The following FLG variants were observed in gnomAD, a reference collection of about 807,000 sequenced individuals.
FLG encodes filaggrin.
FLG carries 6 observed loss-of-function variants against 3.8 expected under a neutral mutation model. The observed-to-expected ratio is 1.60, with a 90% CI of 0.87 to 3.15. The LOEUF is 3.15. Ranked by LOEUF, FLG falls within the 30% of genes most tolerant of loss-of-function variation. FLG has a pLI of 0.00. For synonymous variants in FLG, 2,551 were observed against 1,931.6 expected (o/e 1.32, Z -8.41); for missense variants, 7,595 against 5,050.9 (o/e 1.50, Z -15.27).
At chr1:152,315,273 T>C (rs1197495331) in intron 2 of FLG, 46 bp downstream of exon 2, 1 of 1,586,498 alleles carries the variant, frequency 6.3e-7, no homozygotes, top group Non-Finnish European at 8.6e-7. Context: ...AGATTATTGA[T>C]GAGAAAAACA....
Position 152,313,265 on chromosome 1 carries a change from G to T in FLG, c.1621C>A (p.His541Asn). 1 of 1,613,878 alleles carries T rather than the reference G, an allele frequency of 6.2e-7. No homozygotes were observed. The highest frequency in any genetic ancestry group is 8.5e-7 in the Non-Finnish European group (1 of 1,180,012). The stretch of plus-strand genomic sequence containing the variant: ...GTGTGGCTGTGATGGGAACCTGAGT[G>T]TCCAGACCTATTTACCGATTGCTCG... Reference protein sequence around the residue: ...HHEQSVNRSGHSGSHHSHTTS... With the variant: ...HHEQSVNRSGNSGSHHSHTTS... Residue 541 changes from histidine (H) to asparagine (N), a missense_variant, in exon 3 of 3, where the codon CAC becomes AAC. Physicochemically the swap from His to Asn is moderately conservative, Grantham distance 68. Transcript: ENST00000368799.
rs11584340 is a variant in FLG at position 152,313,454 on chromosome 1, G to A, written c.1432C>T (p.Pro478Ser). 0.2 allele frequency: 324,266 copies of A among 1,613,236 alleles called. 42,398 individuals carry two copies. Among genetic ancestry groups the A allele is most frequent in the East Asian group, 0.6 (27,028 of 44,736 alleles). Residue 478 changes from proline (P) to serine (S), a missense_variant, in exon 3 of 3, where the codon CCT becomes TCT. Transcript: ENST00000368799. ...CCGGTCCGTCCATGGGCAGAGTCAG[G>A]CTGTTCATGAGTGCTCACCTGGTAG... ...SLYQVSTHEQ[P>S]DSAHGRTGTS...
rs528985626 is a variant in FLG, at chr1:152,305,390, G to T, written c.9496C>A (p.Arg3166Ser). Reference sequence around the variant, plus strand: ...CTGTCTCCTGATTGTTCCTCATTACGTGTTGTTCTGCTTGCACTTCTGGAT... The same window carrying T: ...CTGTCTCCTGATTGTTCCTCATTACTTGTTGTTCTGCTTGCACTTCTGGAT... ...SGSRSASRTT[R>S]NEEQSGDSSR... Residue 3166 changes from arginine (R) to serine (S), a missense_variant, in exon 3 of 3, where the codon CGT (arginine) becomes AGT (serine). Transcript: ENST00000368799. 4.4e-6 allele frequency: 7 copies of T among 1,605,918 alleles called. No individual in the cohort carries two copies. Among genetic ancestry groups the T allele is most frequent in the Non-Finnish European group, 5.9e-6 (7 of 1,178,770 alleles).
At position 152,315,117 on chromosome 1, in the gene FLG, T is replaced by A. The variant is rs115170236; in HGVS notation, c.138+202A>T. On this transcript the variant is annotated intron_variant, in intron 2 of 2. Transcript: ENST00000368799. ...TTACATTAATTTTTAAATATTTATATTTTTTTCTCTGAGGGTGTCTTTATG... is the reference window on the plus strand; with the variant it reads ...TTACATTAATTTTTAAATATTTATAATTTTTTCTCTGAGGGTGTCTTTATG... 0.023 allele frequency among the ~76,000 whole-genome samples: 3,462 copies of A among 152,152 alleles called. 138 individuals are homozygous for A. Among genetic ancestry groups the A allele is most frequent in the African/African-American group, 0.079 (3,300 of 41,538 alleles).
Position 152,307,756 on chromosome 1 carries a change from T to C in FLG, c.7130A>G (p.Asp2377Gly). Residue 2377 changes from aspartate (D) to glycine (G), a missense_variant, in exon 3 of 3, where the codon GAC (aspartate) becomes GGC (glycine). Asp to Gly is a moderately conservative substitution (Grantham distance 94). Transcript: ENST00000368799. ...QASDSEGHSE[D>G]SDTQSVSAHG... ...GGCTGACACTGACTGTGTGTCTGAG[T>C]CTTCTGAATGTCCCTCACTGTCACT... is the stretch of plus-strand genomic sequence containing the variant. 1 of 1,612,930 alleles carries C rather than the reference T, an allele frequency of 6.2e-7. No homozygotes were observed. Among genetic ancestry groups the C allele is most frequent in the South Asian group, 1.1e-5 (1 of 90,998 alleles).
chr1:152,314,460 C>G lies in FLG; in HGVS notation c.426G>C (p.Lys142Asn). 1 of 1,613,232 alleles carries G rather than the reference C, an allele frequency of 6.2e-7. No homozygotes were observed. The highest frequency in any genetic ancestry group is 8.5e-7 in the Non-Finnish European group (1 of 1,179,782). The change falls in exon 3 of 3, where the codon AAG (lysine) becomes AAC (asparagine). Residue 142 changes from lysine (K) to asparagine (N), a missense_variant. By Grantham distance (94) the Lys-to-Asn change is moderately conservative. Coordinates refer to ENST00000368799, the MANE Select transcript of FLG (RefSeq NM_002016.2). ...NNRKGNKGRSKSPRETGGKRH... is the reference protein window; with the variant it reads ...NNRKGNKGRSNSPRETGGKRH... ...TTTTCCCCCCTGTTTCTCTTGGGCT[C>G]TTGGATCTTCCCTTATTCCCTTTTC...
rs540742199 is a variant in FLG at position 152,322,773 on chromosome 1, T to C, written c.-22+2416A>G. On this transcript the variant is annotated intron_variant, in intron 1 of 2. Transcript: ENST00000368799. ...ATATAGCTTGTTTATGAACTGAAAG[T>C]CTAAATAGCATTAAGATATCAAATC... is the stretch of plus-strand genomic sequence containing the variant. 5.3e-5 allele frequency among the ~76,000 whole-genome samples: 8 copies of C among 151,584 alleles called. No individual in the cohort carries two copies. The South Asian group carries it at 6.2e-4, about 12-fold the overall frequency.
Position 152,313,599 on chromosome 1 carries a change from T to G in FLG, c.1287A>C (p.Ser429=). The G allele has an allele frequency of 1.2e-6, 2 of 1,614,142 alleles. No homozygotes were observed. Among genetic ancestry groups the G allele is most frequent in the Non-Finnish European group, 1.7e-6 (2 of 1,180,040 alleles). The change falls in exon 3 of 3, where the codon TCA becomes TCC. Residue 429 remains serine, a synonymous_variant. Transcript: ENST00000368799. ...GSQASDSEGH[S]ENSDTQSVSG... is the part of the protein sequence containing the mutation. ...ACACTGATTGTGTGTCTGAGTTTTC[T>G]GAATGTCCCTCACTGTCACTGGCCT...
At position 152,302,819 on chromosome 1, in the gene FLG, C is replaced by T; in HGVS notation, c.12067G>A (p.Asp4023Asn). The stretch of plus-strand genomic sequence containing the variant: ...TACGTTGCATAATACCTTGGATGAT[C>T]TTTACCAAACGCACTTGCTTTACAG... ...DICKASAFGK[D>N]HPRYYATYIN... Residue 4023 changes from aspartate to asparagine, a missense_variant, in exon 3 of 3, where the codon GAT becomes AAT. Coordinates refer to ENST00000368799, the MANE Select transcript of FLG (RefSeq NM_002016.2). 6.2e-7 allele frequency: 1 copy of T among 1,614,158 alleles called. No individual in the cohort carries two copies. Among genetic ancestry groups the T allele is most frequent in the Non-Finnish European group, 8.5e-7 (1 of 1,180,030 alleles).
In FLG at chr1:152,308,730, T is replaced by C; in HGVS notation, c.6156A>G (p.Glu2052=). The change falls in exon 3 of 3, where the codon GAA becomes GAG. Residue 2052 remains glutamate, a synonymous_variant. Transcript: ENST00000368799. ...SQASDSEGHS[E]DSDTQSVSAQ... ...CTGACACTGACTGTGTGTCTGAGTC[T>C]TCTGAATGTCCCTCACTGTCACTGG... is the stretch of plus-strand genomic sequence containing the variant. The C allele has an allele frequency of 6.2e-7, 1 of 1,614,126 alleles. No homozygotes were observed. The highest frequency in any genetic ancestry group is 8.5e-7 in the Non-Finnish European group (1 of 1,180,000).
rs142303167 is a variant in FLG, at chr1:152,311,733, G to T, written c.3153C>A (p.Arg1051=). The T allele has an allele frequency of 1.4e-5, 23 of 1,613,964 alleles. No individual in the cohort carries two copies. Among genetic ancestry groups the T allele is most frequent in the Non-Finnish European group, 1.9e-5 (22 of 1,180,022 alleles). ...CTCTGACTGCAGATGAAGCTTGTCT[G>T]CGCGGAATGCCTGAGTGTCTGGAGC... ...ADSSRHSGIP[R]RQASSAVRDS... is the part of the protein sequence containing the mutation. Residue 1051 remains arginine (R), a synonymous_variant, in exon 3 of 3, where the codon CGC becomes CGA. Coordinates refer to ENST00000368799, the MANE Select transcript of FLG (RefSeq NM_002016.2).
chr1:152,321,570 T>C (rs1652971359), intron 1 of FLG, among the ~76,000 whole-genome samples: 1 of 133,386 alleles, frequency 7.5e-6, no homozygotes, highest in South Asian at 2.7e-4. Flanking sequence ...TTAGATGACA[T>C]AGAAGAAATG....
In FLG at chr1:152,308,013, AC is replaced by A. The variant is rs778514621; in HGVS notation, c.6872del (p.Gly2291ValfsTer128). On this transcript the variant is annotated frameshift_variant, in exon 3 of 3. Coordinates refer to ENST00000368799, the MANE Select transcript of FLG (RefSeq NM_002016.2). LOFTEE classifies it low-confidence loss of function (END_TRUNC). The part of the protein sequence containing the change: ...HPRSHHEDRA[G>X]HGHSAESSRQ... The stretch of plus-strand genomic sequence containing the variant: ...TGGAGCTCTCTGCAGAGTGCCCATG[AC>A]CGGCTCTGTCTTCGTGATGGGACCT... The A allele has an allele frequency of 6.2e-7, 1 of 1,614,004 alleles. No homozygotes were observed. The highest frequency in any genetic ancestry group is 1.1e-5 in the South Asian group (1 of 91,078).
rs144209313 is a variant in FLG, at chr1:152,313,148, C to A, written c.1738G>T (p.Gly580Cys). The part of the protein sequence containing the change: ...QTRNEEQSGD[G>C]TRHSGSRHHE... ...TGACGTGACCCTGAGTGCCTGGTGC[C>A]GTCTCCTGATTGTTCCTCATTTCGT... The change falls in exon 3 of 3, where the codon GGC (glycine) becomes TGC (cysteine). Residue 580 changes from glycine to cysteine, a missense_variant. By Grantham distance (159) the Gly-to-Cys change is radical. Transcript: ENST00000368799. 7.4e-6 allele frequency: 12 copies of A among 1,613,746 alleles called. No individual in the cohort carries two copies. Among genetic ancestry groups the A allele is most frequent in the Non-Finnish European group, 1.0e-5 (12 of 1,179,982 alleles).
At chr1:152,325,057 T>C (rs1298730002) in intron 1 of FLG, 132 bp downstream of exon 1, 2 of 151,880 alleles carry the variant, frequency 1.3e-5, no homozygotes, top group Non-Finnish European at 2.9e-5. Context: ...ATAAACCTTT[T>C]AGTGACAGTG....
chr1:152,323,304 T>C (rs769340572), intron 1 of FLG, among the ~76,000 whole-genome samples: 4 of 151,738 alleles, frequency 2.6e-5, no homozygotes, highest in African/African-American at 4.8e-5. Flanking sequence ...TAAATTGTAC[T>C]GCATTAAAAG....
At position 152,310,530 on chromosome 1, in the gene FLG, C is replaced by T. The variant is rs757349097; in HGVS notation, c.4356G>A (p.Glu1452=). 4 of 1,613,738 alleles carry T rather than the reference C, an allele frequency of 2.5e-6. No individual in the cohort carries two copies. Among genetic ancestry groups the T allele is most frequent in the East Asian group, 2.2e-5 (1 of 44,846 alleles). Residue 1452 remains glutamate, a synonymous_variant, in exon 3 of 3, where the codon GAG becomes GAA. Coordinates refer to ENST00000368799, the MANE Select transcript of FLG (RefSeq NM_002016.2). ...LYQVSSHEQS[E]STHGQTAPST... ...TGGGTGCAGTCTGTCCGTGTGTGGA[C>T]TCAGACTGTTCATGAGAGCTCACCT...
rs768041692 is a variant in FLG at position 152,308,088 on chromosome 1, G to C, written c.6798C>G (p.Asn2266Lys). ...ACTGCTCCTGAGCAGATCCATGATG[G>C]TTTCTGGACGCAGACCCAGACCGCC... The part of the protein sequence containing the change: ...SERRSGSASR[N>K]HHGSAQEQSR... The change falls in exon 3 of 3, where the codon AAC (asparagine) becomes AAG (lysine). Residue 2266 changes from asparagine (N) to lysine (K), a missense_variant. Coordinates refer to ENST00000368799, the MANE Select transcript of FLG (RefSeq NM_002016.2). The C allele has an allele frequency of 1.9e-6, 3 of 1,613,884 alleles. No individual in the cohort carries two copies. Among genetic ancestry groups the C allele is most frequent in the Non-Finnish European group, 2.5e-6 (3 of 1,179,968 alleles).
In FLG at chr1:152,309,012, C is replaced by G. The variant is rs777984830; in HGVS notation, c.5874G>C (p.Gly1958=). The part of the protein sequence containing the change: ...EQSRDGSRHP[G]SHHEDRAGHG... ...GACCGGCTCTGTCTTCGTGATGGGACCCAGGGTGTCTGGAGCCATCTCTTG... is the reference window on the plus strand; with the variant it reads ...GACCGGCTCTGTCTTCGTGATGGGAGCCAGGGTGTCTGGAGCCATCTCTTG... Residue 1958 remains glycine, a synonymous_variant, in exon 3 of 3, where the codon GGG becomes GGC. Coordinates refer to ENST00000368799, the MANE Select transcript of FLG (RefSeq NM_002016.2). 26 of 1,613,984 alleles carry G rather than the reference C, an allele frequency of 1.6e-5. No homozygotes were observed. In the Admixed American group the frequency reaches 4.2e-4, roughly 26 times the overall value.
Sources: gnomAD v4.1 joint callset for allele counts (sites outside exome capture counted in the v4.1 genomes callset) on GRCh38, gnomAD v4.1.1 for gene constraint, MANE v1.5 for transcripts, NCBI Gene and HGNC (gene_info 2026-07-23, HGNC 2026-07-21) for gene names.